The following RCL1 variants were observed in gnomAD, a reference collection of about 807,000 sequenced individuals.
RCL1 encodes RNA 3'-terminal phosphate cyclase-like protein.
In RCL1, 24 loss-of-function variants were observed where a neutral mutation model predicts 42.4. The ratio of observed to expected loss-of-function variants is 0.57; its 90% confidence interval spans 0.41 to 0.80. RCL1 has a LOEUF of 0.80. Ranked by LOEUF, RCL1 falls within the 30% of genes least tolerant of loss-of-function variation. The pLI, the probability that RCL1 is intolerant of heterozygous loss-of-function variation, is 0.00. For missense variants in RCL1, 578 were observed against 467.9 expected (o/e 1.24, Z -2.17); for synonymous variants, 228 against 177.3 (o/e 1.29, Z -2.27).
At chr9:4,802,730 G>A (rs980598702) in intron 1 of RCL1, among the ~76,000 whole-genome samples, 2 of 152,056 alleles carry the variant, frequency 1.3e-5, no homozygotes, top group Non-Finnish European at 2.9e-5. Flanking sequence ...ATTTTATTCT[G>A]TCTTAAGCAT....
chr9:4,854,402 C>G (rs1817862261), intron 8 of RCL1, among the ~76,000 whole-genome samples: 1 of 152,194 alleles, frequency 6.6e-6, no homozygotes, highest in African/African-American at 2.4e-5. Flanking sequence ...CTTTTCTTAT[C>G]TCCAGATCTT....
intron 7 of RCL1, among the ~76,000 whole-genome samples, chr9:4,847,310 A>G (rs1349360852): frequency 1.3e-5 from 2 of 152,228 alleles, no homozygotes; most frequent in East Asian, 3.8e-4. Flanking sequence ...AAGGATGGAA[A>G]TACTTCATGT....
intron 1 of RCL1, among the ~76,000 whole-genome samples, chr9:4,799,385 C>A (rs947615725): frequency 1.3e-5 from 2 of 152,084 alleles, no homozygotes; most frequent in Non-Finnish European, 2.9e-5. Flanking sequence ...GCAGAAAGAT[C>A]CTGTCTGTAC....
chr9:4,806,276 G>C (rs1300629354), intron 1 of RCL1, among the ~76,000 whole-genome samples: 1 of 152,054 alleles, frequency 6.6e-6, no homozygotes, highest in East Asian at 1.9e-4. Flanking sequence ...ACCATGTTAA[G>C]TAAAATGGGT....
At chr9:4,807,643 C>T (rs942393362) in intron 1 of RCL1, among the ~76,000 whole-genome samples, 8 of 152,170 alleles carry the variant, frequency 5.3e-5, no homozygotes, top group African/African-American at 1.7e-4. Context: ...CCTCAGCCTC[C>T]TGAGTAGCTG....
At position 4,835,549 on chromosome 9, in the gene RCL1, G is replaced by A. The variant is rs1046395431; in HGVS notation, c.584+1284G>A. Among the ~76,000 whole-genome samples, 4 of 152,304 alleles carry A rather than the reference G, an allele frequency of 2.6e-5. No individual in the cohort carries two copies. The East Asian group carries it at 7.7e-4, about 29-fold the overall frequency. On this transcript the variant is annotated intron_variant, in intron 5 of 8. Coordinates refer to ENST00000381750, the MANE Select transcript of RCL1 (RefSeq NM_005772.5). ...TGACAGGAAAGAGAAGGAGAAGGAAGGATGAGGGAGTAACTTGATGAAGCG... is the reference window on the plus strand; with the variant it reads ...TGACAGGAAAGAGAAGGAGAAGGAAAGATGAGGGAGTAACTTGATGAAGCG...
At chr9:4,809,347 G>C (rs751206640) in intron 1 of RCL1, among the ~76,000 whole-genome samples, 1 of 150,628 alleles carries the variant, frequency 6.6e-6, no homozygotes, top group Non-Finnish European at 1.5e-5. Flanking sequence ...GTCTTGCTCT[G>C]TCGCCAGGCT....
chr9:4,808,383 T>C (rs1816055181), intron 1 of RCL1, among the ~76,000 whole-genome samples: 1 of 152,098 alleles, frequency 6.6e-6, no homozygotes, highest in Non-Finnish European at 1.5e-5. Flanking sequence ...TCTCGCCTCA[T>C]TGCCACCTCC....
intron 8 of RCL1, among the ~76,000 whole-genome samples, chr9:4,859,403 CTCTA>C (rs1453166595): frequency 6.6e-6 from 1 of 152,150 alleles, no homozygotes; most frequent in Non-Finnish European, 1.5e-5. Context: ...TTTATCTAGT[CTCTA>C]TCTATACCAC....
chr9:4,841,102 C>A, intron 5 of RCL1, 130 bp from the exon 6 acceptor site: 1 of 961,198 alleles, frequency 1.0e-6, no homozygotes, highest in South Asian at 1.6e-5. Flanking sequence ...TCAGTAAATT[C>A]AGTTGGAAAA....
At chr9:4,838,203 C>T (rs1817201468) in intron 5 of RCL1, among the ~76,000 whole-genome samples, 2 of 152,208 alleles carry the variant, frequency 1.3e-5, no homozygotes, top group African/African-American at 2.4e-5. Context: ...GGCCCACTCT[C>T]TTGTGTGCAT....
At chr9:4,809,187 G>C (rs1174123965) in intron 1 of RCL1, among the ~76,000 whole-genome samples, 1 of 151,702 alleles carries the variant, frequency 6.6e-6, no homozygotes, top group South Asian at 2.1e-4. Context: ...TAGATACTCA[G>C]TAATCTTCAG....
chr9:4,819,497 A>C (rs963148698), intron 1 of RCL1, among the ~76,000 whole-genome samples: 1 of 152,248 alleles, frequency 6.6e-6, no homozygotes, highest in Non-Finnish European at 1.5e-5. Context: ...AATGGTCACT[A>C]TCAATGTACA....
At chr9:4,837,308 G>C (rs972251663) in intron 5 of RCL1, among the ~76,000 whole-genome samples, 1 of 152,078 alleles carries the variant, frequency 6.6e-6, no homozygotes, top group Non-Finnish European at 1.5e-5. Context: ...ATACACTGCG[G>C]TTAATGGCTT....
intron 1 of RCL1, among the ~76,000 whole-genome samples, chr9:4,799,126 C>T (rs1311308953): frequency 6.8e-6 from 1 of 146,050 alleles, no homozygotes; most frequent in Non-Finnish European, 1.5e-5. Flanking sequence ...CCCTCCCTTC[C>T]TTCCTCTCTT....
intron 1 of RCL1, among the ~76,000 whole-genome samples, chr9:4,821,127 AG>A (rs1350886305): frequency 1.3e-5 from 2 of 152,166 alleles, no homozygotes; most frequent in Non-Finnish European, 2.9e-5. Context: ...TGTGGCTAAG[AG>A]TGTGGAACCT....
At chr9:4,852,769 C>CTT (rs34189601) in intron 8 of RCL1, among the ~76,000 whole-genome samples, 27,607 of 143,530 alleles carry the variant, frequency 0.19, 3,138 homozygotes, top group East Asian at 0.55. Context: ...GGTCAGGTCA[C>CTT]TTTTTTTTTT....
At chr9:4,858,569 C>T (rs959585590) in intron 8 of RCL1, among the ~76,000 whole-genome samples, 1 of 152,216 alleles carries the variant, frequency 6.6e-6, no homozygotes, top group African/African-American at 2.4e-5. Flanking sequence ...CAGCTTCATT[C>T]TTTCACCTGT....
At chr9:4,852,120 G>A (rs992660617) in intron 8 of RCL1, among the ~76,000 whole-genome samples, 1 of 152,022 alleles carries the variant, frequency 6.6e-6, no homozygotes, top group East Asian at 1.9e-4. Flanking sequence ...TGACCTCGTG[G>A]TCCACCCGCC....
Sources: gnomAD v4.1 joint callset for allele counts (sites outside exome capture counted in the v4.1 genomes callset) on GRCh38, gnomAD v4.1.1 for gene constraint, MANE v1.5 for transcripts, NCBI Gene and HGNC (gene_info 2026-07-23, HGNC 2026-07-21) for gene names.